AMZ2: variants seen among roughly 807,000 people sequenced by gnomAD.
AMZ2 encodes the protein archaelysin family metallopeptidase 2, also known as archaemetzincin-2.
A neutral mutation model predicts 36.7 loss-of-function variants in AMZ2; 26 were observed. That is an observed-to-expected ratio of 0.71 (90% CI 0.52 to 0.98). The LOEUF (loss-of-function observed/expected upper bound fraction) is 0.98, where lower values mean the gene tolerates loss of function less well. Ranked by LOEUF, AMZ2 falls within the 50% of genes least tolerant of loss-of-function variation. The pLI is 0.00. For missense variants in AMZ2, 394 were observed against 430.5 expected (o/e 0.92, Z 0.75); for synonymous variants, 144 against 149.1 (o/e 0.97, Z 0.25).
At chr17:68,211,874 G>GTATATATA (rs368820389) in intron 1 of AMZ2, among the ~76,000 whole-genome samples, 1 of 134,830 alleles carries the variant, frequency 7.4e-6, no homozygotes, top group African/African-American at 2.7e-5. Context: ...ATATGTGTGT[G>GTATATATA]TATGTATATA....
chr17:68,253,355 G>A (rs1275405083), intron 4 of AMZ2, among the ~76,000 whole-genome samples: 2 of 152,162 alleles, frequency 1.3e-5, no homozygotes, highest in East Asian at 1.9e-4. Context: ...AAAACTGAAC[G>A]AGAGACATAA....
chr17:68,226,618 A>G (rs1443594099), intron 1 of AMZ2, among the ~76,000 whole-genome samples: 9 of 152,220 alleles, frequency 5.9e-5, no homozygotes, highest in African/African-American at 2.2e-4. Context: ...GGTGGCACCC[A>G]GTCTGGCTTG....
chr17:68,248,553 G>GCCTA lies in AMZ2; in HGVS notation c.-153_-152insCCTA, dbSNP rs1555737206. On this transcript the variant is annotated 5_prime_UTR_variant, in exon 1 of 7. Transcript: ENST00000359904. ...CTTCTCCCGCAGCTTCCCTAGATTA[G>GCCTA]GCTTGGGAGGCAAGAGGAGGCCTCC... 1 of 985,974 alleles carries GCCTA rather than the reference G, an allele frequency of 1.0e-6. No homozygotes were observed. Among genetic ancestry groups the GCCTA allele is most frequent in the African/African-American group, 1.7e-5 (1 of 57,240 alleles). The allele number at this position is 985,974 out of a possible 1,614,324, so 61.1% of individuals were successfully genotyped here.
chr17:68,256,666 C>G, intron 6 of AMZ2, 148 bp from the exon 7 acceptor site: 1 of 717,350 alleles, frequency 1.4e-6, no homozygotes, highest in Non-Finnish European at 2.2e-6. Context: ...ATATCATTAG[C>G]ATTATTTCAT....
Position 68,235,444 on chromosome 17 carries a change from C to G in AMZ2, c.-66-13196C>G, listed in dbSNP as rs1313806409. Among the ~76,000 whole-genome samples, 1 of 152,178 alleles carries G rather than the reference C, an allele frequency of 6.6e-6. No homozygotes were observed. Among genetic ancestry groups the G allele is most frequent in the South Asian group, 2.1e-4 (1 of 4,832 alleles). On this transcript the variant is annotated intron_variant, in intron 1 of 7. Coordinates refer to the AMZ2 transcript ENST00000674770. The surrounding 1 kb of genome is among the most constrained non-coding windows in gnomAD (Gnocchi z 4.2). ...GTAAAGTGCCTTGGCTGAGGGCCAC[C>G]CAGGAGCTGGTGGTGCCTCAGCTGA...
chr17:68,225,313 G>A (rs2073487359), intron 1 of AMZ2, among the ~76,000 whole-genome samples: 1 of 152,186 alleles, frequency 6.6e-6, no homozygotes, highest in South Asian at 2.1e-4. Context: ...GTTGATGGTG[G>A]TTGAAGTGGG....
chr17:68,221,436 A>G (rs2073363340), intron 1 of AMZ2, among the ~76,000 whole-genome samples: 1 of 152,104 alleles, frequency 6.6e-6, no homozygotes. Flanking sequence ...TTGCGTCAGT[A>G]AGAAAGCCAG....
At chr17:68,212,616 G>T (rs12949854) in intron 1 of AMZ2, among the ~76,000 whole-genome samples, 35,124 of 151,722 alleles carry the variant, frequency 0.23, 4,346 homozygotes, top group South Asian at 0.29. Context: ...ATCCAGGTTG[G>T]GGTGCAACGG....
upstream of AMZ2, among the ~76,000 whole-genome samples, chr17:68,245,117 C>CG (rs200349684): frequency 2.6e-5 from 4 of 151,660 alleles, no homozygotes; most frequent in East Asian, 7.7e-4. Context: ...GAAATGCAGA[C>CG]AGACTATGGT....
rs200882036 is a variant in AMZ2 at position 68,250,766 on chromosome 17, T to C, written c.284-28T>C. On this transcript the variant is annotated intron_variant, in intron 2 of 6. Coordinates refer to ENST00000359904, the MANE Select transcript of AMZ2 (RefSeq NM_016627.5). ...AACACTGAATAATCATCTTAAAGTC[T>C]GTTTTTAAATGTTCTTCCATATTGT... 59 of 1,526,732 alleles carry C rather than the reference T, an allele frequency of 3.9e-5. 1 individual carries two copies. The South Asian group carries it at 6.8e-4, about 18-fold the overall frequency. The allele number at this position is 1,526,732 out of a possible 1,614,324, so 94.6% of individuals were successfully genotyped here.
intron 1 of AMZ2, among the ~76,000 whole-genome samples, chr17:68,211,548 T>C (rs1222614051): frequency 6.0e-5 from 9 of 150,832 alleles, no homozygotes; most frequent in Admixed American, 1.3e-4. Flanking sequence ...ATAGTGGTGA[T>C]GGTTTTACAA....
In AMZ2 at chr17:68,229,163, G is replaced by A. The variant is rs1177463407; in HGVS notation, c.-66-19477G>A. ...CCTGTCTCTTCTGGTTTTTGCTATT[G>A]CCTGGAAGGTAGGGGACGTCACGGT... On this transcript the variant is annotated intron_variant, in intron 1 of 7. Transcript: ENST00000674770. Among the ~76,000 whole-genome samples, 3 of 152,254 alleles carry A rather than the reference G, an allele frequency of 2.0e-5. No individual in the cohort carries two copies. The East Asian group carries it at 5.8e-4, about 29-fold the overall frequency.
intron 1 of AMZ2, among the ~76,000 whole-genome samples, chr17:68,213,905 C>G (rs1177591461): frequency 9.9e-5 from 15 of 151,834 alleles, no homozygotes; most frequent in Non-Finnish European, 1.6e-4. Context: ...TTTTTCCTTT[C>G]TGCTACCATA....
At position 68,254,522 on chromosome 17, in the gene AMZ2, T is replaced by G; in HGVS notation, c.705T>G (p.Tyr235Ter). 6.2e-7 allele frequency: 1 copy of G among 1,613,176 alleles called. No individual in the cohort carries two copies. The highest frequency in any genetic ancestry group is 1.1e-5 in the South Asian group (1 of 90,960). The change falls in exon 5 of 7, where the codon TAT (tyrosine) becomes TAG (stop). Residue 235 changes from tyrosine (Y) to a stop codon, truncating the protein, a stop_gained. Transcript: ENST00000359904. LOFTEE classifies it high-confidence loss of function. ...SSSDYSIFDN[Y>*]YIPEITSVLL... Reference sequence around the variant, plus strand: ...GTGACTATTCAATTTTCGACAACTATTATATTCCAGAAATAACTAGTGTTT... The same window carrying G: ...GTGACTATTCAATTTTCGACAACTAGTATATTCCAGAAATAACTAGTGTTT...
intron 1 of AMZ2, among the ~76,000 whole-genome samples, chr17:68,209,634 T>TATA (rs1568337751): frequency 3.0e-4 from 25 of 84,700 alleles, no homozygotes; most frequent in Non-Finnish European, 6.3e-4. Context: ...ATATATATAT[T>TATA]TTTTTTTTTT....
chr17:68,239,574 T>C (rs1203467130), intron 1 of AMZ2, among the ~76,000 whole-genome samples: 1 of 152,180 alleles, frequency 6.6e-6, no homozygotes, highest in Non-Finnish European at 1.5e-5. Flanking sequence ...ACACGGTGGC[T>C]AAGGATTCAG....
At chr17:68,225,828 T>G (rs1481691779) in intron 1 of AMZ2, among the ~76,000 whole-genome samples, 2 of 152,162 alleles carry the variant, frequency 1.3e-5, no homozygotes, top group African/African-American at 4.8e-5. Flanking sequence ...TTCACCATGT[T>G]GTCCAGGCCG....
Position 68,250,245 on chromosome 17 carries a change from C to A in AMZ2, c.58C>A (p.Pro20Thr). Residue 20 changes from proline (P) to threonine (T), a missense_variant, in exon 2 of 7, where the codon CCA becomes ACA. Coordinates refer to ENST00000359904, the MANE Select transcript of AMZ2 (RefSeq NM_016627.5). ...AAAAACAGCTCTCATCTCAAAGAACCCAGTGCTTGTATCACAGTATGAGAA... is the reference window on the plus strand; with the variant it reads ...AAAAACAGCTCTCATCTCAAAGAACACAGTGCTTGTATCACAGTATGAGAA... The part of the protein sequence containing the change: ...TLKTALISKN[P>T]VLVSQYEKLN... 1.2e-6 allele frequency: 2 copies of A among 1,614,124 alleles called. No homozygotes were observed. Among genetic ancestry groups the A allele is most frequent in the Non-Finnish European group, 1.7e-6 (2 of 1,180,030 alleles).
At chr17:68,207,865 C>T (rs1455014001) in intron 1 of AMZ2, among the ~76,000 whole-genome samples, 5 of 151,994 alleles carry the variant, frequency 3.3e-5, no homozygotes, top group African/African-American at 9.7e-5. Context: ...GAGGGAGAGG[C>T]GCAGGCGGGA....
Sources: allele counts gnomAD v4.1 joint callset (sites outside exome capture counted in the v4.1 genomes callset), GRCh38; gene constraint gnomAD v4.1.1; non-coding constraint Gnocchi (gnomAD v3.1); transcripts MANE v1.5; gene names NCBI Gene and HGNC (gene_info 2026-07-23, HGNC 2026-07-21).